Variants in GNAT3 observed in about 807,000 individuals in gnomAD.
GNAT3 encodes the protein guanine nucleotide-binding protein G(t) subunit alpha-3.
GNAT3 carries 31 observed loss-of-function variants against 37.7 expected under a neutral mutation model. The observed-to-expected ratio is 0.82, with a 90% CI of 0.62 to 1.11. GNAT3 has a LOEUF of 1.11. Ranked by LOEUF, GNAT3 falls within the 50% of genes most tolerant of loss-of-function variation. The pLI is 0.00. For missense variants in GNAT3, 437 were observed against 412.5 expected, an observed-to-expected ratio of 1.06 and a Z score of -0.51; for synonymous variants, 138 against 139.8, an observed-to-expected ratio of 0.99 and a Z score of 0.09.
intron 5 of GNAT3, among the ~76,000 whole-genome samples, chr7:80,472,145 G>A (rs1395125284): frequency 6.6e-6 from 1 of 151,968 alleles, no homozygotes; most frequent in African/African-American, 2.4e-5. Flanking sequence ...TTTTTTAAAA[G>A]GAAAGCAATG....
At chr7:80,488,116 T>C (rs1790523060) in intron 3 of GNAT3, among the ~76,000 whole-genome samples, 1 of 152,274 alleles carries the variant, frequency 6.6e-6, no homozygotes, top group South Asian at 2.1e-4. Context: ...CACACAGACC[T>C]TGTAATCATC....
chr7:80,485,001 C>T (rs1446536266), intron 3 of GNAT3, among the ~76,000 whole-genome samples: 1 of 152,036 alleles, frequency 6.6e-6, no homozygotes, highest in Non-Finnish European at 1.5e-5. Flanking sequence ...CCAATAGATT[C>T]TATTTAATAG....
intron 2 of GNAT3, among the ~76,000 whole-genome samples, chr7:80,492,462 A>G (rs939944732): frequency 6.6e-6 from 1 of 151,878 alleles, no homozygotes; most frequent in Non-Finnish European, 1.5e-5. Flanking sequence ...TCTCATATAC[A>G]TGAGATTAAT....
At chr7:80,490,958 C>T (rs547331541) in intron 2 of GNAT3, among the ~76,000 whole-genome samples, 8 of 152,190 alleles carry the variant, frequency 5.3e-5, no homozygotes, top group Admixed American at 4.6e-4. Context: ...AAGACATCGG[C>T]AAGAACTGGG....
intron 5 of GNAT3, among the ~76,000 whole-genome samples, chr7:80,465,062 A>G (rs1790109868): frequency 6.6e-6 from 1 of 152,178 alleles, no homozygotes; most frequent in Non-Finnish European, 1.5e-5. Context: ...ATTAACCAAT[A>G]CATTTAATTT....
intron 2 of GNAT3, among the ~76,000 whole-genome samples, chr7:80,490,907 T>C (rs1210433996): frequency 6.6e-6 from 1 of 152,082 alleles, no homozygotes; most frequent in Non-Finnish European, 1.5e-5. Context: ...TCAGCATTAG[T>C]GAAGCAGGAA....
intron 2 of GNAT3, among the ~76,000 whole-genome samples, chr7:80,489,010 A>AG (rs1790541058): frequency 6.6e-6 from 1 of 152,120 alleles, no homozygotes; most frequent in African/African-American, 2.4e-5. Context: ...CCCAGGACAA[A>AG]GATATATACA....
chr7:80,499,486 G>A (rs1790794411), intron 1 of GNAT3, among the ~76,000 whole-genome samples: 1 of 152,102 alleles, frequency 6.6e-6, no homozygotes. Flanking sequence ...CTGGCCTCAA[G>A]CAATCCTCCT....
chr7:80,511,771 A>G (rs780929528), intron 1 of GNAT3, 38 bp downstream of exon 1: 1 of 1,283,704 alleles, frequency 7.8e-7, no homozygotes, highest in Non-Finnish European at 1.1e-6. Context: ...ATTGAAAAAA[A>G]AGTCAGGTTT....
intron 3 of GNAT3, among the ~76,000 whole-genome samples, chr7:80,479,710 C>CAAAA (rs56730701): frequency 3.0e-4 from 24 of 79,398 alleles, no homozygotes; most frequent in African/African-American, 7.9e-4. Context: ...GACCCTGTCT[C>CAAAA]AAAAAAAAAA....
chr7:80,504,710 A>G (rs1349769826), intron 1 of GNAT3, among the ~76,000 whole-genome samples: 7 of 152,226 alleles, frequency 4.6e-5, no homozygotes, highest in African/African-American at 1.7e-4. Flanking sequence ...CAAAGGCTGA[A>G]ACTAATCTGA....
chr7:80,492,364 T>TAAATA (rs201260880), intron 2 of GNAT3, among the ~76,000 whole-genome samples: 7 of 151,380 alleles, frequency 4.6e-5, no homozygotes, highest in African/African-American at 1.7e-4. Flanking sequence ...ATTAAATAAA[T>TAAATA]AAATAAAATA....
chr7:80,511,956 A>G lies in GNAT3; in HGVS notation c.-30T>C, dbSNP rs1450911572. On this transcript the variant is annotated 5_prime_UTR_variant, in exon 1 of 8. Coordinates refer to ENST00000398291, the MANE Select transcript of GNAT3 (RefSeq NM_001102386.3). ...TGGTGGTAGATACTTGTCAGTTTAT[A>G]TGTTCAGATTTTTCAAATGTTGAGC... The G allele has an allele frequency of 6.7e-6, 10 of 1,500,306 alleles. No homozygotes were observed. Among genetic ancestry groups the G allele is most frequent in the African/African-American group, 1.4e-5 (1 of 72,590 alleles). 92.9% of individuals were successfully genotyped at this position (1,500,306 alleles called of 1,614,324 possible). A position where few individuals can be genotyped will look rare whatever the true frequency, so the allele number is the denominator to read the frequency against.
chr7:80,503,295 G>T (rs1040805661), intron 1 of GNAT3, among the ~76,000 whole-genome samples: 10 of 151,976 alleles, frequency 6.6e-5, no homozygotes, highest in African/African-American at 2.4e-4. Flanking sequence ...TCTTTCCTGT[G>T]CCATAATTCA....
At chr7:80,504,152 C>CA (rs984239903) in intron 1 of GNAT3, among the ~76,000 whole-genome samples, 6 of 151,988 alleles carry the variant, frequency 3.9e-5, no homozygotes, top group African/African-American at 9.7e-5. Context: ...TCTGTCTCTA[C>CA]AAAAAATAGG....
At chr7:80,511,689 A>G (rs1791066899) in intron 1 of GNAT3, 120 bp downstream of exon 1, 2 of 597,398 alleles carry the variant, frequency 3.3e-6, no homozygotes, top group African/African-American at 3.7e-5. Flanking sequence ...GTTTCCAAAC[A>G]CATTTTTATA....
chr7:80,510,751 A>G (rs1364753812), intron 1 of GNAT3, among the ~76,000 whole-genome samples: 1 of 152,186 alleles, frequency 6.6e-6, no homozygotes, highest in Non-Finnish European at 1.5e-5. Flanking sequence ...GGAATCCCAC[A>G]GTTGGCTTCT....
intron 1 of GNAT3, among the ~76,000 whole-genome samples, chr7:80,503,422 A>G (rs1455867597): frequency 6.6e-6 from 1 of 152,228 alleles, no homozygotes; most frequent in African/African-American, 2.4e-5. Flanking sequence ...AACATTTGAT[A>G]TTTGGAAACC....
chr7:80,474,407 T>C, intron 4 of GNAT3, 28 bp from the exon 5 acceptor site: 1 of 1,135,836 alleles, frequency 8.8e-7, no homozygotes, highest in Non-Finnish European at 1.3e-6. Flanking sequence ...AAATTATATA[T>C]GTGTATATAT....
Sources: allele counts gnomAD v4.1 joint callset (sites outside exome capture counted in the v4.1 genomes callset), GRCh38; gene constraint gnomAD v4.1.1; transcripts MANE v1.5; gene names NCBI Gene and HGNC (gene_info 2026-07-23, HGNC 2026-07-21).